LAMA4: variants seen among roughly 807,000 people sequenced by gnomAD.
LAMA4 encodes the protein laminin subunit alpha 4.
A neutral mutation model predicts 207.1 loss-of-function variants in LAMA4; 127 were observed. That is an observed-to-expected ratio of 0.61 (90% CI 0.53 to 0.71). The LOEUF (loss-of-function observed/expected upper bound fraction) is 0.71. Among genes scored for constraint, LAMA4 ranks in the 30% least tolerant of loss-of-function variants. The pLI, the probability that LAMA4 is intolerant of heterozygous loss-of-function variation, is 0.00. For synonymous variants in LAMA4, 761 were observed against 816.0 expected, an observed-to-expected ratio of 0.93 and a Z score of 1.15; for missense variants, 2,093 against 2,246.5, an observed-to-expected ratio of 0.93 and a Z score of 1.38.
intron 3 of LAMA4, among the ~76,000 whole-genome samples, chr6:112,216,044 A>G (rs950681333): frequency 6.6e-6 from 1 of 152,246 alleles, no homozygotes; most frequent in African/African-American, 2.4e-5. Flanking sequence ...ATACGATTAC[A>G]GAGGAATTTG....
At chr6:112,247,664 T>C (rs1554188924) in intron 2 of LAMA4, among the ~76,000 whole-genome samples, 1 of 152,200 alleles carries the variant, frequency 6.6e-6, no homozygotes, top group African/African-American at 2.4e-5. Flanking sequence ...AATTCTTTTT[T>C]ACCTGGCCCC....
chr6:112,133,548 A>G, intron 26 of LAMA4, 61 bp from the exon 27 acceptor site: 2 of 1,589,788 alleles, frequency 1.3e-6, no homozygotes, highest in South Asian at 2.2e-5. Flanking sequence ...CTGCATATGT[A>G]GGCTATGGAA....
At position 112,207,102 on chromosome 6, in the gene LAMA4, A is replaced by C; in HGVS notation, c.341T>G (p.Leu114Arg). The change falls in exon 4 of 39, where the codon CTG (leucine) becomes CGG (arginine). Residue 114 changes from leucine to arginine, a missense_variant. Leu to Arg is a moderately radical substitution (Grantham distance 102, BLOSUM62 -2). Transcript: ENST00000230538. ...GATGGAATCTCCGATATAACCATCC[A>C]GACACTTTTCACAGTGCTCTCCTGT... is the stretch of plus-strand genomic sequence containing the variant. ...NTTGEHCEKC[L>R]DGYIGDSIRG... is the part of the protein sequence containing the mutation. 6.2e-7 allele frequency: 1 copy of C among 1,614,056 alleles called. No individual in the cohort carries two copies. The highest frequency in any genetic ancestry group is 8.5e-7 in the Non-Finnish European group (1 of 1,179,944).
Position 112,192,120 on chromosome 6 carries a change from C to A in LAMA4, c.504-270G>T, listed in dbSNP as rs542133545. 3.9e-5 allele frequency among the ~76,000 whole-genome samples: 6 copies of A among 152,288 alleles called. No individual in the cohort carries two copies. The South Asian group carries it at 1.0e-3, about 26-fold the overall frequency. On this transcript the variant is annotated intron_variant, in intron 5 of 38. Transcript: ENST00000230538. ...TATAGGATTGAACTGGTATATCCAG[C>A]CAGGGAACTGGTGTACACAAATGAT...
In LAMA4 at chr6:112,191,648, T is replaced by C; in HGVS notation, c.706A>G (p.Lys236Glu). The change falls in exon 6 of 39, where the codon AAG (lysine) becomes GAG (glutamate). Residue 236 changes from lysine to glutamate, a missense_variant. Physicochemically the swap from Lys to Glu is moderately conservative, Grantham distance 56. This residue lies in a region of LAMA4 where 1,704 missense variants were observed against 1,788.4 expected (regional missense o/e 0.95). Transcript: ENST00000230538. ...PGYYGDARIA[K>E]NCAVCNCGGG... is the part of the protein sequence containing the mutation. ...TATGATACTGCACCTGCACAGTTCT[T>C]GGCTATCCTGGCGTCCCCATAGTAG... 6.2e-7 allele frequency: 1 copy of C among 1,613,754 alleles called. No individual in the cohort carries two copies. The highest frequency in any genetic ancestry group is 8.5e-7 in the Non-Finnish European group (1 of 1,179,698).
At position 112,207,036 on chromosome 6, in the gene LAMA4, AG is replaced by A. The variant is rs782372455; in HGVS notation, c.406del (p.Leu136CysfsTer62). ...TAGGACTTACTTGGCCAAGTGGGGC[AG>A]GGGACAGGGGCACGGCTGGCAGAAT... ...PQFCQPCPCPLPHLANFAESC... is the reference protein window; with the variant it reads ...PQFCQPCPCPXPHLANFAESC... On this transcript the variant is annotated frameshift_variant, in exon 4 of 39. Transcript: ENST00000230538. LOFTEE classifies it high-confidence loss of function. 2.5e-6 allele frequency: 4 copies of A among 1,613,840 alleles called. No homozygotes were observed. The African/African-American group carries it at 4.0e-5, about 16-fold the overall frequency.
At position 112,184,134 on chromosome 6, in the gene LAMA4, G is replaced by A. The variant is rs532032146; in HGVS notation, c.1077+1103C>T. Reference sequence around the variant, plus strand: ...GGTTGGATTAATATGTGCCATTGCCGGGAACTAGGGACACAATTTTCATGA... The same window carrying A: ...GGTTGGATTAATATGTGCCATTGCCAGGAACTAGGGACACAATTTTCATGA... On this transcript the variant is annotated intron_variant, in intron 9 of 38. Transcript: ENST00000230538. Among the ~76,000 whole-genome samples the A allele has an allele frequency of 5.3e-5, 8 of 151,942 alleles. No individual in the cohort carries two copies. In the East Asian group the frequency reaches 5.8e-4, roughly 11 times the overall value.
intron 10 of LAMA4, among the ~76,000 whole-genome samples, chr6:112,177,300 A>G (rs1465012385): frequency 6.6e-6 from 1 of 152,214 alleles, no homozygotes; most frequent in African/African-American, 2.4e-5. Flanking sequence ...CAGTATAAAG[A>G]CATGAATCTT....
intron 2 of LAMA4, among the ~76,000 whole-genome samples, chr6:112,244,813 T>C (rs1001390200): frequency 5.9e-5 from 9 of 152,214 alleles, no homozygotes; most frequent in Non-Finnish European, 1.2e-4. Context: ...ATGATAGATT[T>C]ATGTAACCAA....
intron 2 of LAMA4, chr6:112,253,702 T>G: frequency 6.3e-7 from 1 of 1,583,618 alleles, no homozygotes; most frequent in Non-Finnish European, 8.7e-7. Flanking sequence ...GCGGATGAAC[T>G]CAGAGCACCA....
intron 6 of LAMA4, 112 bp downstream of exon 6, chr6:112,191,524 G>C: frequency 2.5e-6 from 2 of 788,374 alleles, no homozygotes; most frequent in Non-Finnish European, 4.3e-6. Flanking sequence ...CCCTGGGAAA[G>C]TGACAAGGGG....
At position 112,108,153 on chromosome 6, in the gene LAMA4, A is replaced by AT. The variant is rs1554320415; in HGVS notation, c.*1283dup. Among the ~76,000 whole-genome samples the AT allele has an allele frequency of 1.3e-5, 2 of 152,090 alleles. No individual in the cohort carries two copies. The highest frequency in any genetic ancestry group is 4.8e-5 in the African/African-American group (2 of 41,398). On this transcript the variant is annotated 3_prime_UTR_variant, in exon 39 of 39. Coordinates refer to ENST00000230538, the MANE Select transcript of LAMA4 (RefSeq NM_001105206.3). ...TAACATTGTTTTATTCCCCTTGGTA[A>AT]TTCCTCAAAATATTTTATATCCTCT...
At chr6:112,185,113 C>G in intron 9 of LAMA4, 124 bp downstream of exon 9, 1 of 759,542 alleles carries the variant, frequency 1.3e-6, no homozygotes, top group Non-Finnish European at 2.4e-6. Context: ...TATTTTAAGG[C>G]ACATGGGTCA....
chr6:112,233,332 G>A (rs1324440259), intron 2 of LAMA4, among the ~76,000 whole-genome samples: 2 of 152,150 alleles, frequency 1.3e-5, no homozygotes, highest in Non-Finnish European at 2.9e-5. Flanking sequence ...CCAGCCCAGG[G>A]GCTGGCACAA....
chr6:112,144,096 T>C (rs1019519451), intron 19 of LAMA4, among the ~76,000 whole-genome samples: 1 of 152,218 alleles, frequency 6.6e-6, no homozygotes, highest in Non-Finnish European at 1.5e-5. Flanking sequence ...GTCTGGTCTA[T>C]GAATCAATTA....
intron 2 of LAMA4, among the ~76,000 whole-genome samples, chr6:112,229,002 T>A (rs1221061477): frequency 6.6e-6 from 1 of 152,116 alleles, no homozygotes; most frequent in African/African-American, 2.4e-5. Context: ...CCTGATTCAC[T>A]TTCTTTCTCA....
In LAMA4 at chr6:112,133,384, G is replaced by C. The variant is rs201141955; in HGVS notation, c.3661C>G (p.Leu1221Val). ...TCTGGGCATCCATAACCAACTCCCA[G>C]GGTTTCTGTCTGCTCCAGTAAATTG... ...DFNLLEQTET[L>V]GVGYGCPEDS... Residue 1221 changes from leucine to valine, a missense_variant, in exon 27 of 39, where the codon CTG becomes GTG. By Grantham distance (32) the Leu-to-Val change is conservative. Coordinates refer to ENST00000230538, the MANE Select transcript of LAMA4 (RefSeq NM_001105206.3). 1.6e-5 allele frequency: 26 copies of C among 1,613,786 alleles called. No individual in the cohort carries two copies. The East Asian group carries it at 5.3e-4, about 33-fold the overall frequency.
At chr6:112,113,539 A>G (rs1265291791) in intron 38 of LAMA4, among the ~76,000 whole-genome samples, 1 of 152,204 alleles carries the variant, frequency 6.6e-6, no homozygotes, top group East Asian at 1.9e-4. Flanking sequence ...CATTCTTGGC[A>G]GATGACAGCA....
At chr6:112,193,432 G>A (rs568810668) in intron 5 of LAMA4, among the ~76,000 whole-genome samples, 1 of 151,828 alleles carries the variant, frequency 6.6e-6, no homozygotes, top group South Asian at 2.1e-4. Context: ...TCCCTTTAAA[G>A]TAAGGGAATC....
Sources: allele counts gnomAD v4.1 joint callset (sites outside exome capture counted in the v4.1 genomes callset), GRCh38; gene constraint gnomAD v4.1.1; regional missense constraint gnomAD v4.1.1; transcripts MANE v1.5; gene names NCBI Gene and HGNC (gene_info 2026-07-23, HGNC 2026-07-21).